Variants in TMEM233 observed in about 807,000 individuals in gnomAD.
TMEM233 encodes the protein transmembrane protein 233, also known as dispanin subfamily B member 2.
TMEM233 carries 6 observed loss-of-function variants against 11.2 expected under a neutral mutation model. The observed-to-expected ratio is 0.54, with a 90% CI of 0.29 to 1.06. The LOEUF (loss-of-function observed/expected upper bound fraction) is 1.06. Among genes scored for constraint, TMEM233 ranks in the 50% least tolerant of loss-of-function variants. The pLI is 0.08. For synonymous variants in TMEM233, 59 were observed against 55.8 expected, an observed-to-expected ratio of 1.06 and a Z score of -0.26; for missense variants, 127 against 144.7, an observed-to-expected ratio of 0.88 and a Z score of 0.63.
chr12:119,602,027 C>G (rs1720991267), intron 1 of TMEM233, among the ~76,000 whole-genome samples: 1 of 152,184 alleles, frequency 6.6e-6, no homozygotes, highest in Non-Finnish European at 1.5e-5. Context: ...AACCCATTAT[C>G]TGGTTGTGGG....
chr12:119,629,440 G>A (rs540254062), intron 1 of TMEM233, among the ~76,000 whole-genome samples: 143 of 152,158 alleles, frequency 9.4e-4, no homozygotes, highest in Non-Finnish European at 1.9e-3. Flanking sequence ...AAAGACAGAC[G>A]ATGACCCCTG....
chr12:119,605,232 A>G (rs1954250038), intron 1 of TMEM233, among the ~76,000 whole-genome samples: 1 of 151,934 alleles, frequency 6.6e-6, no homozygotes, highest in African/African-American at 2.4e-5. Context: ...AGCATTTCAT[A>G]TTGACACAAT....
At chr12:119,605,890 C>A (rs1300943727) in intron 1 of TMEM233, among the ~76,000 whole-genome samples, 1 of 152,050 alleles carries the variant, frequency 6.6e-6, no homozygotes, top group African/African-American at 2.4e-5. Flanking sequence ...GCCAAAAGGA[C>A]AATTCTCACT....
At chr12:119,634,133 C>A in intron 2 of TMEM233, 1 of 363,254 alleles carries the variant, frequency 2.8e-6, no homozygotes, top group Non-Finnish European at 3.8e-6. Flanking sequence ...TCCTAATCTG[C>A]TGTCTAACCC....
At chr12:119,610,350 T>A (rs1954369193) in intron 1 of TMEM233, among the ~76,000 whole-genome samples, 1 of 152,162 alleles carries the variant, frequency 6.6e-6, no homozygotes, top group Admixed American at 6.5e-5. Context: ...GGATCTGGAC[T>A]TTGAGGTTAA....
At chr12:119,603,719 G>C (rs1031283861) in intron 1 of TMEM233, among the ~76,000 whole-genome samples, 2 of 152,138 alleles carry the variant, frequency 1.3e-5, no homozygotes, top group African/African-American at 2.4e-5. Context: ...ATTTGTGTAT[G>C]TGAGGCCCTT....
In TMEM233 at chr12:119,628,320, C is replaced by T. The variant is rs527558804; in HGVS notation, c.187-1416C>T. Among the ~76,000 whole-genome samples the T allele has an allele frequency of 1.4e-4, 22 of 151,868 alleles. No homozygotes were observed. The Middle Eastern group carries it at 0.017, about 117-fold the overall frequency. On this transcript the variant is annotated intron_variant, in intron 1 of 2. Coordinates refer to ENST00000426426, the MANE Select transcript of TMEM233 (RefSeq NM_001136534.3). ...GATTACAGGTGCCTGCCATCACACC[C>T]GGCTAATTTTTTGTATTTTCAGTAG...
At position 119,607,670 on chromosome 12, in the gene TMEM233, GCAAAAATGGTT is replaced by G. The variant is rs1954309987; in HGVS notation, c.186+13639_186+13649del. On this transcript the variant is annotated intron_variant, in intron 1 of 2. Transcript: ENST00000426426. ...GGCTCCCAGGCTCAAGTGCAGTGGT[GCAAAAATGGTT>G]CACTGCAGCCCCCACCTCCCGGGCC... Among the ~76,000 whole-genome samples the G allele has an allele frequency of 2.6e-5, 4 of 151,050 alleles. No homozygotes were observed. The South Asian group carries it at 8.4e-4, about 32-fold the overall frequency.
intron 2 of TMEM233, among the ~76,000 whole-genome samples, chr12:119,630,734 AT>A (rs568627935): frequency 1.0e-3 from 152 of 152,370 alleles, no homozygotes; most frequent in African/African-American, 3.6e-3. Context: ...ATTGACTGAA[AT>A]CAGTCACGTA....
At chr12:119,633,212 A>C (rs374134208) in intron 2 of TMEM233, among the ~76,000 whole-genome samples, 8 of 152,110 alleles carry the variant, frequency 5.3e-5, no homozygotes, top group African/African-American at 1.9e-4. Context: ...CAATTTCCCT[A>C]ACTATAAAAT....
chr12:119,617,404 C>T (rs1223689869), intron 1 of TMEM233, among the ~76,000 whole-genome samples: 1 of 152,074 alleles, frequency 6.6e-6, no homozygotes, highest in African/African-American at 2.4e-5. Context: ...TGCCCCTGCC[C>T]CAGAGATCTA....
At chr12:119,598,430 G>A (rs7312321) in intron 1 of TMEM233, among the ~76,000 whole-genome samples, 52,000 of 152,070 alleles carry the variant, frequency 0.34, 9,452 homozygotes, top group African/African-American at 0.41. Context: ...AATGACTTTT[G>A]ACTGGATGGC....
intron 1 of TMEM233, among the ~76,000 whole-genome samples, chr12:119,615,169 C>T (rs59697873): frequency 1.1e-5 from 1 of 91,360 alleles, no homozygotes; most frequent in African/African-American, 5.0e-5. Context: ...TACCCGCTTT[C>T]TGCTAAAAAA....
intron 2 of TMEM233, among the ~76,000 whole-genome samples, chr12:119,632,991 T>C (rs1954914774): frequency 6.6e-6 from 1 of 152,138 alleles, no homozygotes; most frequent in African/African-American, 2.4e-5. Flanking sequence ...TAAGTGTTTT[T>C]ATCTGGGGAT....
In TMEM233 at chr12:119,594,930, C is replaced by T. The variant is rs1006338287; in HGVS notation, c.186+896C>T. ...CCAGAGCTCCCAGGCGCCCCTCCAC[C>T]GCTCTGTCCTGCGCCCGGGGCTCTC... is the stretch of plus-strand genomic sequence containing the variant. On this transcript the variant is annotated intron_variant, in intron 1 of 2. Transcript: ENST00000426426. This position sits in a 1 kb window ranked among gnomAD's most constrained non-coding sequence, Gnocchi z 5.6. Among the ~76,000 whole-genome samples, 2 of 152,122 alleles carry T rather than the reference C, an allele frequency of 1.3e-5. No individual in the cohort carries two copies. The highest frequency in any genetic ancestry group is 2.9e-5 in the Non-Finnish European group (2 of 68,012).
chr12:119,611,545 T>G (rs1471400247), intron 1 of TMEM233, among the ~76,000 whole-genome samples: 2 of 8,476 alleles, frequency 2.4e-4, no homozygotes, highest in Non-Finnish European at 7.5e-4. Flanking sequence ...GAGTTTAAGA[T>G]ATATATATAT....
chr12:119,605,111 C>A (rs1257350494), intron 1 of TMEM233, among the ~76,000 whole-genome samples: 1 of 151,574 alleles, frequency 6.6e-6, no homozygotes, highest in Non-Finnish European at 1.5e-5. Flanking sequence ...CTATTTTACT[C>A]CCTCTTTTGA....
chr12:119,633,407 C>T (rs112029357), intron 2 of TMEM233, among the ~76,000 whole-genome samples: 2,496 of 151,950 alleles, frequency 0.016, 64 homozygotes, highest in African/African-American at 0.056. Flanking sequence ...ATAGCTAGAC[C>T]CCATCTCTAA....
intron 1 of TMEM233, among the ~76,000 whole-genome samples, chr12:119,615,294 C>G (rs1021710937): frequency 2.0e-5 from 3 of 151,422 alleles, no homozygotes; most frequent in Admixed American, 1.3e-4. Context: ...TTATCTCCAC[C>G]AGAAAGTAAG....
Sources: gnomAD v4.1 joint callset for allele counts (sites outside exome capture counted in the v4.1 genomes callset) on GRCh38, gnomAD v4.1.1 for gene constraint, Gnocchi (gnomAD v3.1) non-coding constraint, MANE v1.5 for transcripts, NCBI Gene and HGNC (gene_info 2026-07-23, HGNC 2026-07-21) for gene names.